CPA5: variants seen among roughly 807,000 people sequenced by gnomAD.
CPA5 encodes testicular tissue protein Li 32.
In CPA5, 38 loss-of-function variants were observed where a neutral mutation model predicts 52.2. The observed-to-expected ratio is 0.73, with a 90% CI of 0.56 to 0.95. The LOEUF (loss-of-function observed/expected upper bound fraction) is 0.95, where lower values mean the gene tolerates loss of function less well. CPA5 is among the 40% of genes least tolerant of loss of function. The pLI is 0.00. For missense variants in CPA5, 519 were observed against 566.7 expected (o/e 0.92, Z 0.86); for synonymous variants, 198 against 213.7 (o/e 0.93, Z 0.64).
chr7:130,347,732 G>A (rs782739108), intron 3 of CPA5, 34 bp from the exon 4 acceptor site: 6 of 1,578,464 alleles, frequency 3.8e-6, no homozygotes, highest in East Asian at 2.2e-5. Flanking sequence ...ATCCTTCTCC[G>A]CAGCTTCCTC....
At chr7:130,360,669 G>C (rs1554406362) in intron 6 of CPA5, among the ~76,000 whole-genome samples, 1 of 152,222 alleles carries the variant, frequency 6.6e-6, no homozygotes, top group Non-Finnish European at 1.5e-5. Context: ...AATACAGTCT[G>C]TCACTATTTA....
chr7:130,367,455 A>G lies in CPA5; in HGVS notation c.922A>G (p.Asn308Asp). The change falls in exon 11 of 13, where the codon AAC (asparagine) becomes GAC (aspartate). Residue 308 changes from asparagine (N) to aspartate (D), a missense_variant. By Grantham distance (23) the Asn-to-Asp change is conservative (BLOSUM62 1). Transcript: ENST00000474905. ...QSEPEVAAIV[N>D]FITAHGNFKA... ...GGAGCCGGAGGTGGCTGCCATAGTG[A>G]ACTTCATCACAGCCCATGGCAACTT... 1 of 1,614,090 alleles carries G rather than the reference A, an allele frequency of 6.2e-7. No homozygotes were observed. Among genetic ancestry groups the G allele is most frequent in the South Asian group, 1.1e-5 (1 of 91,066 alleles).
At chr7:130,361,416 T>C (rs1366012298) in intron 7 of CPA5, among the ~76,000 whole-genome samples, 172 bp downstream of exon 7, 1 of 152,052 alleles carries the variant, frequency 6.6e-6, no homozygotes, top group African/African-American at 2.4e-5. Context: ...AGATCCACCC[T>C]TGTAGTATGA....
At chr7:130,361,026 C>T in intron 6 of CPA5, 117 bp from the exon 7 acceptor site, 1 of 682,112 alleles carries the variant, frequency 1.5e-6, no homozygotes, top group Non-Finnish European at 2.6e-6. Context: ...CCTCGAGGGT[C>T]TAAATACCCA....
chr7:130,367,418 C>A lies in CPA5; in HGVS notation c.885C>A (p.Pro295=). ...SNPCSETYHG[P]SPQSEPEVAA... Reference sequence around the variant, plus strand: ...CCTGCTCAGAAACTTATCACGGGCCCTCCCCTCAGTCGGAGCCGGAGGTGG... The same window carrying A: ...CCTGCTCAGAAACTTATCACGGGCCATCCCCTCAGTCGGAGCCGGAGGTGG... The change falls in exon 11 of 13, where the codon CCC becomes CCA. Residue 295 remains proline (P), a synonymous_variant. Transcript: ENST00000474905. 1 of 1,614,176 alleles carries A rather than the reference C, an allele frequency of 6.2e-7. No individual in the cohort carries two copies. Among genetic ancestry groups the A allele is most frequent in the Non-Finnish European group, 8.5e-7 (1 of 1,180,040 alleles).
At chr7:130,365,287 C>G (rs1337172164) in intron 10 of CPA5, among the ~76,000 whole-genome samples, 1 of 152,156 alleles carries the variant, frequency 6.6e-6, no homozygotes, top group Non-Finnish European at 1.5e-5. Flanking sequence ...TGTGGCCCCT[C>G]AGCACTGACT....
At chr7:130,363,552 G>GT in intron 10 of CPA5, 43 bp downstream of exon 10, 1 of 1,488,964 alleles carries the variant, frequency 6.7e-7, no homozygotes, top group South Asian at 1.2e-5. Context: ...GAGAAGAGGT[G>GT]TTGGCCCATG....
At chr7:130,352,355 G>C (rs1416026300) in intron 5 of CPA5, among the ~76,000 whole-genome samples, 5 of 145,194 alleles carry the variant, frequency 3.4e-5, no homozygotes, top group Non-Finnish European at 7.8e-5. Context: ...GGGTCGCGGG[G>C]GCCGGGGATG....
chr7:130,353,726 C>A (rs1018520125), intron 5 of CPA5, among the ~76,000 whole-genome samples: 2 of 152,164 alleles, frequency 1.3e-5, no homozygotes, highest in African/African-American at 4.8e-5. Context: ...TCGTCCCTCA[C>A]CTGGGTTCTT....
At chr7:130,365,320 A>G (rs1435827025) in intron 10 of CPA5, among the ~76,000 whole-genome samples, 1 of 152,200 alleles carries the variant, frequency 6.6e-6, no homozygotes, top group Non-Finnish European at 1.5e-5. Context: ...CATGGATCCC[A>G]AGATAGGCTG....
chr7:130,347,645 C>T, intron 3 of CPA5, 121 bp from the exon 4 acceptor site: 1 of 767,694 alleles, frequency 1.3e-6, no homozygotes, highest in Non-Finnish European at 2.2e-6. Context: ...CATGCGGTGC[C>T]TCCTGGCCTC....
At chr7:130,349,870 G>A (rs1795019960) in intron 4 of CPA5, 105 bp from the exon 5 acceptor site, 1 of 1,318,636 alleles carries the variant, frequency 7.6e-7, no homozygotes, top group Admixed American at 2.3e-5. Context: ...CGTAGAAAGA[G>A]GGTCTCTACT....
At chr7:130,349,329 G>T (rs1186801237) in intron 4 of CPA5, among the ~76,000 whole-genome samples, 1 of 152,090 alleles carries the variant, frequency 6.6e-6, no homozygotes, top group African/African-American at 2.4e-5. Flanking sequence ...AGCTACTCAG[G>T]AGGCTGAGGT....
chr7:130,349,521 T>A (rs1476882556), intron 4 of CPA5, among the ~76,000 whole-genome samples: 1 of 152,192 alleles, frequency 6.6e-6, no homozygotes, highest in Non-Finnish European at 1.5e-5. Context: ...ACAGGGTGAC[T>A]ATTGTCAATA....
intron 5 of CPA5, among the ~76,000 whole-genome samples, chr7:130,355,784 C>A (rs1316084784): frequency 6.6e-6 from 1 of 152,218 alleles, no homozygotes; most frequent in Non-Finnish European, 1.5e-5. Flanking sequence ...GAAACTGAGG[C>A]ACAGAGATGT....
intron 10 of CPA5, among the ~76,000 whole-genome samples, chr7:130,364,326 G>A (rs1366249167): frequency 6.6e-6 from 1 of 152,142 alleles, no homozygotes; most frequent in Non-Finnish European, 1.5e-5. Flanking sequence ...CTGAGTAGCT[G>A]GGATTGCAGG....
intron 5 of CPA5, among the ~76,000 whole-genome samples, chr7:130,353,250 C>A (rs1795284591): frequency 6.6e-6 from 1 of 151,970 alleles, no homozygotes; most frequent in Non-Finnish European, 1.5e-5. Flanking sequence ...CGCCAGCAGG[C>A]TGCCCACCCC....
At chr7:130,368,323 T>C in intron 12 of CPA5, 87 bp from the exon 13 acceptor site, 2 of 1,373,554 alleles carry the variant, frequency 1.5e-6, no homozygotes, top group South Asian at 1.3e-5. Context: ...CTCCCAGGGC[T>C]CACTTTCCAC....
chr7:130,366,367 TCCA>T (rs1192350840), intron 10 of CPA5, among the ~76,000 whole-genome samples: 4 of 152,104 alleles, frequency 2.6e-5, no homozygotes, highest in Admixed American at 6.5e-5. Flanking sequence ...GATGACTCCT[TCCA>T]AGTGTGTCCT....
Sources: allele counts gnomAD v4.1 joint callset (sites outside exome capture counted in the v4.1 genomes callset), GRCh38; gene constraint gnomAD v4.1.1; transcripts MANE v1.5; gene names NCBI Gene and HGNC (gene_info 2026-07-23, HGNC 2026-07-21).